LY9: variants seen among roughly 807,000 people sequenced by gnomAD.
LY9 encodes T-lymphocyte surface antigen Ly-9.
Under a neutral mutation model 64.6 loss-of-function variants are expected in LY9, and 59 were observed. The observed-to-expected ratio is 0.91, with a 90% CI of 0.74 to 1.13. The LOEUF (loss-of-function observed/expected upper bound fraction) is 1.13, where lower values mean the gene tolerates loss of function less well. Ranked by LOEUF, LY9 falls within the 50% of genes most tolerant of loss-of-function variation. The probability of loss-of-function intolerance (pLI) is 0.00; values close to 1 mark genes in which losing one functional copy is unlikely to be tolerated. For missense variants in LY9, 789 were observed against 797.2 expected, an observed-to-expected ratio of 0.99 and a Z score of 0.12; for synonymous variants, 281 against 308.5, an observed-to-expected ratio of 0.91 and a Z score of 0.93.
chr1:160,797,065 T>C (rs1214867229), intron 1 of LY9: 1 of 978,132 alleles, frequency 1.0e-6, no homozygotes, highest in Non-Finnish European at 1.2e-6. Context: ...AGGTGGCGTT[T>C]ATCTGGATAT....
At chr1:160,814,858 C>A in intron 4 of LY9, 97 bp downstream of exon 4, 1 of 999,216 alleles carries the variant, frequency 1.0e-6, no homozygotes. Flanking sequence ...AGGGTCTTCC[C>A]TCATACTGAA....
intron 2 of LY9, chr1:160,810,485 G>A (rs958427018): frequency 1.4e-4 from 22 of 152,054 alleles, no homozygotes; most frequent in African/African-American, 9.7e-5. Flanking sequence ...TAAGCACATC[G>A]GTCATACTGT....
chr1:160,813,725 G>GGGGCA lies in LY9; in HGVS notation c.546_550dup (p.Glu184GlyfsTer77), dbSNP rs1558095898. 2 of 1,614,042 alleles carry GGGGCA rather than the reference G, an allele frequency of 1.2e-6. No homozygotes were observed. Among genetic ancestry groups the GGGGCA allele is most frequent in the African/African-American group, 2.7e-5 (2 of 74,906 alleles). ...CATCACTCTAATGTGCTCCGTGAAG[G>GGGGCA]GGGCAGAGAAAAGTGTTCTGTACAG... On this transcript the variant is annotated frameshift_variant, in exon 3 of 10. Transcript: ENST00000263285. LOFTEE classifies it high-confidence loss of function.
At chr1:160,824,665 CATTA>C (rs1421232214) in intron 9 of LY9, 1 of 981,932 alleles carries the variant, frequency 1.0e-6, no homozygotes, top group Non-Finnish European at 1.2e-6. Context: ...ACCTACAGTA[CATTA>C]GTTTTATTCT....
At chr1:160,818,398 C>A in intron 6 of LY9, 79 bp downstream of exon 6, 1 of 1,016,812 alleles carries the variant, frequency 9.8e-7, no homozygotes, top group Non-Finnish European at 1.5e-6. Flanking sequence ...TGCCCTCACA[C>A]AATCCCGTGC....
intron 5 of LY9, 70 bp from the exon 6 acceptor site, chr1:160,818,148 T>C: frequency 1.0e-6 from 1 of 986,476 alleles, no homozygotes; most frequent in African/African-American, 1.6e-5. Context: ...GGCCATCATG[T>C]TCTGTGCATT....
chr1:160,798,670 C>T (rs79199924), intron 1 of LY9, among the ~76,000 whole-genome samples: 2,148 of 152,252 alleles, frequency 0.014, 52 homozygotes, highest in East Asian at 0.055. Flanking sequence ...GCAGAGAACC[C>T]CCATGACCTG....
At chr1:160,824,103 C>A (rs919669471) in intron 8 of LY9, 78 bp from the exon 9 acceptor site, 2 of 1,563,168 alleles carry the variant, frequency 1.3e-6, no homozygotes, top group Middle Eastern at 3.8e-4. Context: ...GGGGTATCCC[C>A]TCTCCTCAAG....
intron 1 of LY9, chr1:160,797,314 T>C (rs2101725473): frequency 1.0e-6 from 1 of 984,416 alleles, no homozygotes; most frequent in South Asian, 4.7e-5. Context: ...GGTTGGCAGT[T>C]GGTGCCTGAA....
intron 7 of LY9, among the ~76,000 whole-genome samples, chr1:160,821,780 T>TA (rs1409321865): frequency 6.6e-6 from 1 of 152,196 alleles, no homozygotes; most frequent in African/African-American, 2.4e-5. Flanking sequence ...TGAAGGTATC[T>TA]ATTTTCACTC....
At chr1:160,808,369 C>G (rs1015836827) in intron 2 of LY9, among the ~76,000 whole-genome samples, 1 of 152,226 alleles carries the variant, frequency 6.6e-6, no homozygotes, top group African/African-American at 2.4e-5. Flanking sequence ...AGCGTGCATT[C>G]TGCCAAAGGC....
At chr1:160,813,223 G>A (rs957795614) in intron 2 of LY9, 1 of 192,636 alleles carries the variant, frequency 5.2e-6, no homozygotes, top group South Asian at 1.2e-4. Context: ...CCAAAGACAC[G>A]GGCAACTCAA....
At chr1:160,824,874 A>G (rs1571067899) in intron 9 of LY9, among the ~76,000 whole-genome samples, 1 of 151,818 alleles carries the variant, frequency 6.6e-6, no homozygotes, top group African/African-American at 2.4e-5. Flanking sequence ...CCAACTACTC[A>G]GAGACTGAGG....
chr1:160,824,387 C>T (rs1236618440), intron 9 of LY9, 138 bp downstream of exon 9: 6 of 1,446,774 alleles, frequency 4.1e-6, no homozygotes, highest in Non-Finnish European at 5.5e-6. Flanking sequence ...CAGATACATT[C>T]CATGGTCAAC....
intron 2 of LY9, chr1:160,802,161 C>G: frequency 3.9e-6 from 5 of 1,276,778 alleles, no homozygotes; most frequent in Non-Finnish European, 5.0e-6. Context: ...CCCGCAGGAA[C>G]CGGGCTGGGC....
At chr1:160,813,515 G>A (rs917839909) in intron 2 of LY9, 121 bp from the exon 3 acceptor site, 23 of 921,684 alleles carry the variant, frequency 2.5e-5, no homozygotes, top group Non-Finnish European at 3.4e-5. Context: ...ATGTCCCTGC[G>A]ACAGGTAACG....
intron 7 of LY9, among the ~76,000 whole-genome samples, chr1:160,823,126 C>T (rs958389549): frequency 2.6e-5 from 4 of 152,226 alleles, no homozygotes; most frequent in African/African-American, 9.6e-5. Context: ...CCCAGCTAGA[C>T]AGGGTGCTCC....
intron 1 of LY9, chr1:160,796,969 A>G (rs1035118614): frequency 4.2e-6 from 1 of 237,156 alleles, no homozygotes; most frequent in South Asian, 1.6e-4. Context: ...GCTTCTTTCT[A>G]TGTATCCTGC....
At chr1:160,802,610 G>A in intron 2 of LY9, 2 of 985,514 alleles carry the variant, frequency 2.0e-6, no homozygotes, top group Non-Finnish European at 2.4e-6. Context: ...GTACACGTGT[G>A]GACCCCATTT....
Sources: allele counts gnomAD v4.1 joint callset (sites outside exome capture counted in the v4.1 genomes callset), GRCh38; gene constraint gnomAD v4.1.1; transcripts MANE v1.5; gene names NCBI Gene and HGNC (gene_info 2026-07-23, HGNC 2026-07-21).